VAPA: variants seen among roughly 807,000 people sequenced by gnomAD.
VAPA encodes the protein VAMP associated protein A.
VAPA carries 6 observed loss-of-function variants against 25.6 expected under a neutral mutation model. That is an observed-to-expected ratio of 0.23 (90% CI 0.13 to 0.46). The LOEUF (loss-of-function observed/expected upper bound fraction) is 0.46. VAPA is among the 20% of genes least tolerant of loss of function. VAPA has a pLI of 0.99. For missense variants in VAPA, 244 were observed against 302.1 expected (o/e 0.81, Z 1.43); for synonymous variants, 112 against 106.2 (o/e 1.05, Z -0.34).
At chr18:9,914,406 G>A (rs1171949828) in intron 1 of VAPA, 71 bp downstream of exon 1, 7 of 1,410,550 alleles carry the variant, frequency 5.0e-6, no homozygotes, top group Non-Finnish European at 3.8e-6. Context: ...GGGGGGCGCG[G>A]AGGGCACGTC....
At chr18:9,943,132 T>A (rs2069383572) in intron 4 of VAPA, among the ~76,000 whole-genome samples, 1 of 152,232 alleles carries the variant, frequency 6.6e-6, no homozygotes, top group African/African-American at 2.4e-5. Context: ...GTGGTCATCT[T>A]ATAGGGTGAA....
chr18:9,952,880 A>C (rs1434913304), intron 5 of VAPA, among the ~76,000 whole-genome samples: 1 of 152,218 alleles, frequency 6.6e-6, no homozygotes, highest in African/African-American at 2.4e-5. Context: ...ACTAATTAGC[A>C]TGAGACCAAA....
chr18:9,952,991 G>T (rs1235610362), intron 5 of VAPA, among the ~76,000 whole-genome samples: 1 of 152,112 alleles, frequency 6.6e-6, no homozygotes, highest in East Asian at 1.9e-4. Context: ...AGGAATCATG[G>T]GAGAAAATAT....
rs2069478890 is a variant in VAPA at position 9,950,502 on chromosome 18, A to G, written c.525A>G (p.Leu175=). The G allele has an allele frequency of 2.5e-6, 4 of 1,614,156 alleles. No homozygotes were observed. Among genetic ancestry groups the G allele is most frequent in the Non-Finnish European group, 2.5e-6 (3 of 1,180,014 alleles). ...VSLNDTETRK[L]MEECKRLQGE... The stretch of plus-strand genomic sequence containing the variant: ...TTAATGATACCGAAACAAGGAAACT[A>G]ATGGAAGAGTGTAAAAGACTTCAGG... Residue 175 remains leucine (L), a synonymous_variant, in exon 5 of 6, where the codon CTA becomes CTG. Transcript: ENST00000400000.
At chr18:9,914,439 G>C in intron 1 of VAPA, 104 bp downstream of exon 1, 1 of 1,001,626 alleles carries the variant, frequency 1.0e-6, no homozygotes, top group Non-Finnish European at 1.4e-6. Context: ...CCGAGGGAGC[G>C]CCCCCTCCCC....
chr18:9,938,249 A>AT (rs1353490900), intron 4 of VAPA, among the ~76,000 whole-genome samples: 1 of 152,194 alleles, frequency 6.6e-6, no homozygotes, highest in African/African-American at 2.4e-5. Context: ...TTTTACAGTA[A>AT]TTCGGTCAGC....
At chr18:9,924,680 C>T (rs950877493) in intron 1 of VAPA, among the ~76,000 whole-genome samples, 2 of 152,100 alleles carry the variant, frequency 1.3e-5, no homozygotes, top group African/African-American at 2.4e-5. Flanking sequence ...TCTTTACCAC[C>T]GGGTAGAAGA....
At chr18:9,940,641 A>G (rs2069357412) in intron 4 of VAPA, among the ~76,000 whole-genome samples, 1 of 152,198 alleles carries the variant, frequency 6.6e-6, no homozygotes, top group African/African-American at 2.4e-5. Context: ...GCAAAATCCA[A>G]TACTGATCCT....
Position 9,956,268 on chromosome 18 carries a change from CTG to C in VAPA, c.*2059_*2060del, listed in dbSNP as rs1322913113. The C allele has an allele frequency of 2.0e-5, 3 of 152,074 alleles. No homozygotes were observed. The highest frequency in any genetic ancestry group is 6.6e-5 in the Admixed American group (1 of 15,262). 9.4% of individuals were successfully genotyped at this position (152,074 alleles called of 1,614,324 possible). A position where few individuals can be genotyped will look rare whatever the true frequency, so the allele number is the denominator to read the frequency against. On this transcript the variant is annotated 3_prime_UTR_variant, in exon 6 of 6. Transcript: ENST00000400000. ...ACTCTAGCTCAGTGTCTTCTGGTAA[CTG>C]TTGAAAATTGTCTTAGTTTGAGAGA...
chr18:9,918,069 G>T (rs1158133309), intron 1 of VAPA, among the ~76,000 whole-genome samples: 1 of 151,626 alleles, frequency 6.6e-6, no homozygotes, highest in Non-Finnish European at 1.5e-5. Flanking sequence ...ACACCTGTTA[G>T]TCTGTACACA....
chr18:9,917,027 TA>T (rs140263554), intron 1 of VAPA, among the ~76,000 whole-genome samples: 6 of 152,226 alleles, frequency 3.9e-5, no homozygotes, highest in Admixed American at 3.3e-4. Flanking sequence ...CCTCAGTATT[TA>T]AAAAAAAGTT....
At chr18:9,920,363 C>T (rs1472876029) in intron 1 of VAPA, among the ~76,000 whole-genome samples, 4 of 152,106 alleles carry the variant, frequency 2.6e-5, no homozygotes, top group Non-Finnish European at 4.4e-5. Flanking sequence ...TGTGCAGTGG[C>T]GCTATCTCGG....
At chr18:9,926,929 C>T (rs17732947) in intron 1 of VAPA, among the ~76,000 whole-genome samples, 34 of 152,098 alleles carry the variant, frequency 2.2e-4, no homozygotes, top group African/African-American at 8.0e-4. Flanking sequence ...CCTAAACACA[C>T]CTCTGAGTAA....
intron 1 of VAPA, among the ~76,000 whole-genome samples, chr18:9,917,640 T>G (rs897997383): frequency 2.0e-5 from 3 of 152,182 alleles, no homozygotes; most frequent in Non-Finnish European, 2.9e-5. Context: ...CTAAAATAAA[T>G]TTCAAATATA....
At chr18:9,926,315 T>C (rs925801961) in intron 1 of VAPA, among the ~76,000 whole-genome samples, 1 of 152,166 alleles carries the variant, frequency 6.6e-6, no homozygotes, top group Non-Finnish European at 1.5e-5. Context: ...CTAAAACCTG[T>C]TAGAAACATT....
At chr18:9,917,693 A>G (rs1023300850) in intron 1 of VAPA, among the ~76,000 whole-genome samples, 5 of 152,238 alleles carry the variant, frequency 3.3e-5, no homozygotes, top group African/African-American at 1.2e-4. Context: ...CAAAATCCTT[A>G]TGTTGAGAGT....
chr18:9,959,483 G>A lies in VAPA; in HGVS notation c.*5272G>A, dbSNP rs1208115268. ...GAAGGCTATAGAATTTATGGAAATG[G>A]CTTATGTAACCTACAAGACTGGAGA... On this transcript the variant is annotated 3_prime_UTR_variant, in exon 6 of 6. Coordinates refer to ENST00000400000, the MANE Select transcript of VAPA (RefSeq NM_194434.3). 1.3e-5 allele frequency: 2 copies of A among 152,030 alleles called. No homozygotes were observed. Among genetic ancestry groups the A allele is most frequent in the African/African-American group, 4.8e-5 (2 of 41,384 alleles). 9.4% of individuals were successfully genotyped at this position (152,030 alleles called of 1,614,324 possible). A position where few individuals can be genotyped will look rare whatever the true frequency, so the allele number is the denominator to read the frequency against.
At chr18:9,921,866 C>A (rs1396350047) in intron 1 of VAPA, among the ~76,000 whole-genome samples, 2 of 151,882 alleles carry the variant, frequency 1.3e-5, no homozygotes, top group Non-Finnish European at 2.9e-5. Flanking sequence ...AACATGAGCA[C>A]CTTATAATAT....
intron 2 of VAPA, among the ~76,000 whole-genome samples, chr18:9,932,813 A>G (rs2069269393): frequency 6.6e-6 from 1 of 152,170 alleles, no homozygotes; most frequent in African/African-American, 2.4e-5. Context: ...CATGACTTAG[A>G]AATGTTACAT....
Sources: gnomAD v4.1 joint callset for allele counts (sites outside exome capture counted in the v4.1 genomes callset) on GRCh38, gnomAD v4.1.1 for gene constraint, MANE v1.5 for transcripts, NCBI Gene and HGNC (gene_info 2026-07-23, HGNC 2026-07-21) for gene names.